The following GLG1 variants were observed in gnomAD, a reference collection of about 807,000 sequenced individuals.
GLG1 encodes golgi glycoprotein 1, also known as Golgi apparatus protein 1.
A neutral mutation model predicts 160.5 loss-of-function variants in GLG1; 38 were observed. That is an observed-to-expected ratio of 0.24 (90% CI 0.18 to 0.31). The LOEUF (loss-of-function observed/expected upper bound fraction) is 0.31, where lower values mean the gene tolerates loss of function less well. Among genes scored for constraint, GLG1 ranks in the 10% least tolerant of loss-of-function variants. The pLI, the probability that GLG1 is intolerant of heterozygous loss-of-function variation, is 1.00. For missense variants in GLG1, 1,373 were observed against 1,505.2 expected, an observed-to-expected ratio of 0.91 and a Z score of 1.45; for synonymous variants, 644 against 543.4, an observed-to-expected ratio of 1.19 and a Z score of -2.57.
chr16:74,561,851 T>C (rs1002449310), intron 1 of GLG1, among the ~76,000 whole-genome samples: 2 of 152,222 alleles, frequency 1.3e-5, no homozygotes, highest in African/African-American at 2.4e-5. Flanking sequence ...TGACTCATCA[T>C]GGAAGACAGA....
chr16:74,601,987 T>A (rs980139865), intron 1 of GLG1, among the ~76,000 whole-genome samples: 1 of 152,126 alleles, frequency 6.6e-6, no homozygotes, highest in Non-Finnish European at 1.5e-5. Context: ...ACACTAGCAC[T>A]AGCACTAGCA....
chr16:74,485,202 C>T (rs561415158), intron 9 of GLG1, among the ~76,000 whole-genome samples: 4 of 152,118 alleles, frequency 2.6e-5, no homozygotes, highest in Non-Finnish European at 4.4e-5. Context: ...CTACTGCATC[C>T]GGCCATGGTT....
intron 1 of GLG1, among the ~76,000 whole-genome samples, chr16:74,556,117 G>A (rs1231754178): frequency 6.6e-6 from 1 of 152,136 alleles, no homozygotes; most frequent in Non-Finnish European, 1.5e-5. Flanking sequence ...GGGATTATAG[G>A]CATGAGCCAC....
chr16:74,489,388 T>A (rs1020299940), intron 8 of GLG1, among the ~76,000 whole-genome samples: 3 of 151,908 alleles, frequency 2.0e-5, no homozygotes, highest in Admixed American at 6.6e-5. Context: ...GGAGAATCAT[T>A]TGAACCCGGG....
Position 74,470,053 on chromosome 16 carries a change from C to A in GLG1, c.2250G>T (p.Arg750=). ...AGGCCATTTTAAACTTGTAAGAAAA[C>A]CGAAAATCCTTCATCTGCACCTGAA... The part of the protein sequence containing the change: ...HFQLVQMKDF[R]FSYKFKMACK... The change falls in exon 16 of 26, where the codon CGG becomes CGT. Residue 750 remains arginine (R), a synonymous_variant. Transcript: ENST00000422840. 6.2e-7 allele frequency: 1 copy of A among 1,607,372 alleles called. No individual in the cohort carries two copies. The highest frequency in any genetic ancestry group is 8.5e-7 in the Non-Finnish European group (1 of 1,174,082).
intron 4 of GLG1, among the ~76,000 whole-genome samples, chr16:74,499,294 G>A (rs748183832): frequency 2.0e-5 from 3 of 152,138 alleles, no homozygotes; most frequent in Non-Finnish European, 4.4e-5. Flanking sequence ...AGGCTGGAGT[G>A]CAGTGGAGGG....
chr16:74,516,219 C>T (rs931887900), intron 2 of GLG1, among the ~76,000 whole-genome samples: 11 of 151,686 alleles, frequency 7.3e-5, no homozygotes, highest in Admixed American at 3.3e-4. Context: ...TAGACATCTA[C>T]AGAACTCTCC....
In GLG1 at chr16:74,457,969, C is replaced by T. The variant is rs774557014; in HGVS notation, c.3170G>A (p.Ser1057Asn). The change falls in exon 24 of 26, where the codon AGC (serine) becomes AAC (asparagine). Residue 1057 changes from serine to asparagine, a missense_variant. This residue lies in a region of GLG1 where 491 missense variants were observed against 632.1 expected (regional missense o/e 0.78). Coordinates refer to ENST00000422840, the MANE Select transcript of GLG1 (RefSeq NM_001145667.2). ...KKEVLNMLKE[S>N]KADIFVDPVL... ...CGGGTCAACAAAGATGTCTGCTTTG[C>T]TTTCCTTCAGCATGTTTAGCACTTC... 1 of 1,613,796 alleles carries T rather than the reference C, an allele frequency of 6.2e-7. No individual in the cohort carries two copies. Among genetic ancestry groups the T allele is most frequent in the South Asian group, 1.1e-5 (1 of 91,070 alleles).
intron 2 of GLG1, among the ~76,000 whole-genome samples, chr16:74,527,840 C>T (rs1296310098): frequency 2.0e-5 from 3 of 151,748 alleles, no homozygotes; most frequent in Non-Finnish European, 4.4e-5. Context: ...GATTCTTATG[C>T]CTCAGCCTCC....
chr16:74,452,128 T>C lies in GLG1; in HGVS notation c.*1039A>G, dbSNP rs370303587. On this transcript the variant is annotated 3_prime_UTR_variant, in exon 26 of 26. Transcript: ENST00000422840. The stretch of plus-strand genomic sequence containing the variant: ...AAGCCATTGTCTCTGACCTGTATTG[T>C]AGCCTGAAAAATAAAGCAAAGTGAG... 3 of 1,613,970 alleles carry C rather than the reference T, an allele frequency of 1.9e-6. No homozygotes were observed. Among genetic ancestry groups the C allele is most frequent in the African/African-American group, 2.7e-5 (2 of 75,038 alleles).
chr16:74,559,370 G>C (rs572579135), intron 1 of GLG1, among the ~76,000 whole-genome samples: 1 of 151,746 alleles, frequency 6.6e-6, no homozygotes, highest in Non-Finnish European at 1.5e-5. Flanking sequence ...TTTGAGCCCA[G>C]GAGTTTGAGG....
intron 2 of GLG1, among the ~76,000 whole-genome samples, chr16:74,512,876 G>A (rs1238919702): frequency 6.6e-6 from 1 of 152,138 alleles, no homozygotes; most frequent in Non-Finnish European, 1.5e-5. Context: ...GAGGGACAGG[G>A]AGTCTTGGTA....
intron 1 of GLG1, among the ~76,000 whole-genome samples, chr16:74,574,883 C>CAAAA (rs531720341): frequency 0.089 from 2,204 of 24,764 alleles, 624 homozygotes; most frequent in East Asian, 0.27. Context: ...GACTCTGTCT[C>CAAAA]AAAAAAAAAA....
intron 1 of GLG1, among the ~76,000 whole-genome samples, chr16:74,591,388 G>C (rs1183046232): frequency 6.6e-6 from 1 of 151,290 alleles, no homozygotes; most frequent in Non-Finnish European, 1.5e-5. Flanking sequence ...CAGCACTTTG[G>C]GAGGCTGAGG....
At chr16:74,596,020 G>A (rs1379564466) in intron 1 of GLG1, among the ~76,000 whole-genome samples, 1 of 152,144 alleles carries the variant, frequency 6.6e-6, no homozygotes, top group Non-Finnish European at 1.5e-5. Flanking sequence ...CCACTCGGGA[G>A]GCTGAGGCAG....
rs1258911092 is a variant in GLG1 at position 74,480,491 on chromosome 16, T to C, written c.1674-97A>G. ...TATGAGGTGTTTGCTTGTATACTCA[T>C]TGATAATCACTTCCAGGGGCGTGGA... On this transcript the variant is annotated intron_variant, in intron 10 of 25. Transcript: ENST00000422840. 2.4e-5 allele frequency: 18 copies of C among 758,234 alleles called. 1 individual carries two copies. Among genetic ancestry groups the C allele is most frequent in the South Asian group, 1.5e-4 (8 of 52,496 alleles). The allele number at this position is 758,234 out of a possible 1,614,324, so 47.0% of individuals were successfully genotyped here.
chr16:74,474,284 CA>C (rs1289590513), intron 13 of GLG1: 2 of 347,174 alleles, frequency 5.8e-6, no homozygotes, highest in East Asian at 9.5e-5. Context: ...GAAACAGAGG[CA>C]AGTCTAATGA....
intron 1 of GLG1, among the ~76,000 whole-genome samples, chr16:74,595,135 C>T (rs940304636): frequency 1.3e-5 from 2 of 150,894 alleles, no homozygotes; most frequent in Non-Finnish European, 2.9e-5. Context: ...TTGCAGTGAG[C>T]GGAGATCGCG....
chr16:74,562,079 G>A (rs2143742555), intron 1 of GLG1, among the ~76,000 whole-genome samples: 1 of 152,372 alleles, frequency 6.6e-6, no homozygotes, highest in Non-Finnish European at 1.5e-5. Context: ...CAAGAAGGCT[G>A]ATGCTATAAC....
Sources: gnomAD v4.1 joint callset for allele counts (sites outside exome capture counted in the v4.1 genomes callset) on GRCh38, gnomAD v4.1.1 for gene constraint, gnomAD v4.1.1 regional missense constraint, MANE v1.5 for transcripts, NCBI Gene and HGNC (gene_info 2026-07-23, HGNC 2026-07-21) for gene names.